KIF16B: variants seen among roughly 807,000 people sequenced by gnomAD.
KIF16B encodes the protein kinesin-like protein KIF16B.
In KIF16B, 98 loss-of-function variants were observed where a neutral mutation model predicts 156.3. The observed-to-expected ratio is 0.63, with a 90% confidence interval of 0.53 to 0.74. KIF16B has a LOEUF of 0.74. KIF16B is among the 30% of genes least tolerant of loss of function. The pLI, the probability that KIF16B is intolerant of heterozygous loss-of-function variation, is 0.00. For synonymous variants in KIF16B, 564 were observed against 583.7 expected, an observed-to-expected ratio of 0.97 and a Z score of 0.49; for missense variants, 1,421 against 1,606.5, an observed-to-expected ratio of 0.88 and a Z score of 1.97.
chr20:16,505,931 T>A (rs1237272274), intron 8 of KIF16B, 78 bp from the exon 9 acceptor site: 1 of 1,603,988 alleles, frequency 6.2e-7, no homozygotes, highest in African/African-American at 1.3e-5. Flanking sequence ...TCATAAAACC[T>A]TGAAGAAATT....
chr20:16,534,147 C>T (rs1359158405), intron 1 of KIF16B, among the ~76,000 whole-genome samples: 1 of 151,734 alleles, frequency 6.6e-6, no homozygotes, highest in Non-Finnish European at 1.5e-5. Flanking sequence ...AATTCCTACT[C>T]GGGAGGCTGA....
chr20:16,364,732 GAGA>G (rs2064624103), intron 22 of KIF16B, among the ~76,000 whole-genome samples: 1 of 152,250 alleles, frequency 6.6e-6, no homozygotes, highest in South Asian at 2.1e-4. Flanking sequence ...ATGCTTAGGT[GAGA>G]GAAGTGACAT....
At chr20:16,523,698 T>C (rs1020465790) in intron 3 of KIF16B, among the ~76,000 whole-genome samples, 2 of 152,150 alleles carry the variant, frequency 1.3e-5, no homozygotes, top group Non-Finnish European at 2.9e-5. Flanking sequence ...AAATTTCATA[T>C]GGAACCAAAA....
At chr20:16,368,934 T>G in intron 22 of KIF16B, 1 of 985,896 alleles carries the variant, frequency 1.0e-6, no homozygotes, top group Non-Finnish European at 1.2e-6. Flanking sequence ...TCTGAAAATC[T>G]TCTGCATCAT....
chr20:16,558,374 G>A (rs908876413), intron 1 of KIF16B, among the ~76,000 whole-genome samples: 1 of 152,210 alleles, frequency 6.6e-6, no homozygotes, highest in African/African-American at 2.4e-5. Context: ...CACCAATGAA[G>A]GGTGAGCATT....
At chr20:16,339,048 G>A (rs1223327024) in intron 23 of KIF16B, among the ~76,000 whole-genome samples, 3 of 152,188 alleles carry the variant, frequency 2.0e-5, no homozygotes, top group Non-Finnish European at 4.4e-5. Context: ...GGGAGTTTAA[G>A]ATGAGAGAAA....
chr20:16,483,831 T>C (rs1453054387), intron 12 of KIF16B, among the ~76,000 whole-genome samples: 2 of 152,022 alleles, frequency 1.3e-5, no homozygotes, highest in Non-Finnish European at 2.9e-5. Flanking sequence ...CACCCCCTCC[T>C]CTCCAAGCTC....
chr20:16,467,539 A>G (rs1357156929), intron 12 of KIF16B, among the ~76,000 whole-genome samples: 1 of 152,238 alleles, frequency 6.6e-6, no homozygotes. Flanking sequence ...TGGAAAAAGT[A>G]GACAACATGC....
intron 12 of KIF16B, among the ~76,000 whole-genome samples, chr20:16,452,162 T>C (rs2067098803): frequency 6.6e-6 from 1 of 151,868 alleles, no homozygotes; most frequent in African/African-American, 2.4e-5. Context: ...GATCTGAGAA[T>C]GAACAGGGTG....
intron 20 of KIF16B, among the ~76,000 whole-genome samples, chr20:16,373,794 C>T (rs1311393906): frequency 2.6e-5 from 4 of 152,372 alleles, no homozygotes; most frequent in East Asian, 3.9e-4. Flanking sequence ...CAGGTTTGAA[C>T]AGCACATGTC....
chr20:16,566,038 G>A (rs1044172621), intron 1 of KIF16B, among the ~76,000 whole-genome samples: 5 of 152,248 alleles, frequency 3.3e-5, no homozygotes, highest in Admixed American at 6.5e-5. Flanking sequence ...GCTCCAGATC[G>A]TGGGATTATG....
chr20:16,419,018 A>C (rs758314906), intron 15 of KIF16B, among the ~76,000 whole-genome samples: 1 of 152,056 alleles, frequency 6.6e-6, no homozygotes, highest in Admixed American at 6.6e-5. Flanking sequence ...AATCACAGAC[A>C]TAAAAAACCC....
intron 1 of KIF16B, among the ~76,000 whole-genome samples, chr20:16,529,071 T>C (rs1474082133): frequency 2.6e-5 from 4 of 152,208 alleles, no homozygotes; most frequent in Non-Finnish European, 5.9e-5. Flanking sequence ...TGGGATATAC[T>C]GGGATATACT....
intron 23 of KIF16B, among the ~76,000 whole-genome samples, chr20:16,336,950 C>T (rs1330259581): frequency 5.3e-5 from 8 of 152,236 alleles, no homozygotes; most frequent in African/African-American, 1.7e-4. Context: ...GTCCACCCCA[C>T]ATCTGCCCTC....
At chr20:16,276,899 C>T (rs1224476448) in intron 25 of KIF16B, among the ~76,000 whole-genome samples, 2 of 152,198 alleles carry the variant, frequency 1.3e-5, no homozygotes, top group East Asian at 1.9e-4. Flanking sequence ...GCACAGAAAA[C>T]CACACACAAG....
intron 10 of KIF16B, among the ~76,000 whole-genome samples, chr20:16,498,496 T>C (rs2068519791): frequency 6.6e-6 from 1 of 152,236 alleles, no homozygotes; most frequent in South Asian, 2.1e-4. Context: ...TTTTTTGTCG[T>C]GTTTTTAAAT....
At chr20:16,362,227 C>T (rs1419674501) in intron 22 of KIF16B, among the ~76,000 whole-genome samples, 1 of 152,192 alleles carries the variant, frequency 6.6e-6, no homozygotes, top group Non-Finnish European at 1.5e-5. Flanking sequence ...TCAAACCATG[C>T]TGAATGCTAA....
At chr20:16,453,489 C>A (rs1481943344) in intron 12 of KIF16B, among the ~76,000 whole-genome samples, 5 of 151,994 alleles carry the variant, frequency 3.3e-5, no homozygotes, top group Non-Finnish European at 7.4e-5. Flanking sequence ...CACATCCACA[C>A]ACATACAAAC....
At chr20:16,481,213 T>G (rs1209941051) in intron 12 of KIF16B, among the ~76,000 whole-genome samples, 2 of 152,168 alleles carry the variant, frequency 1.3e-5, no homozygotes, top group Non-Finnish European at 2.9e-5. Context: ...GGAAGTGGTT[T>G]CAAGACAGGT....
Sources: allele counts gnomAD v4.1 joint callset (sites outside exome capture counted in the v4.1 genomes callset), GRCh38; gene constraint gnomAD v4.1.1; transcripts MANE v1.5; gene names NCBI Gene and HGNC (gene_info 2026-07-23, HGNC 2026-07-21).